The following WWOX variants were observed in gnomAD, a reference collection of about 807,000 sequenced individuals.
WWOX encodes WW domain containing oxidoreductase.
In WWOX, 69 loss-of-function variants were observed where a neutral mutation model predicts 46.2. The ratio of observed to expected loss-of-function variants is 1.49; its 90% confidence interval spans 1.23 to 1.82. The LOEUF is 1.82. Among genes scored for constraint, WWOX ranks in the 40% most tolerant of loss-of-function variants. The probability of loss-of-function intolerance (pLI) is 0.00; values close to 1 mark genes in which losing one functional copy is unlikely to be tolerated. For synonymous variants in WWOX, 359 were observed against 202.6 expected, an observed-to-expected ratio of 1.77 and a Z score of -6.56; for missense variants, 919 against 542.6, an observed-to-expected ratio of 1.69 and a Z score of -6.89.
chr16:78,201,415 C>T (rs759409921), intron 5 of WWOX, among the ~76,000 whole-genome samples: 5 of 152,134 alleles, frequency 3.3e-5, no homozygotes, highest in African/African-American at 1.2e-4. Context: ...AGACTGTATT[C>T]TAAGTCTAAA....
intron 8 of WWOX, among the ~76,000 whole-genome samples, chr16:78,939,846 G>T (rs368717578): frequency 4.6e-5 from 7 of 152,246 alleles, no homozygotes; most frequent in African/African-American, 1.7e-4. Flanking sequence ...TAGGTCTGGC[G>T]ATCTTTTTGG....
chr16:78,225,124 C>T (rs916237031), intron 5 of WWOX, among the ~76,000 whole-genome samples: 6 of 152,144 alleles, frequency 3.9e-5, no homozygotes, highest in Admixed American at 1.3e-4. Flanking sequence ...TGTATTTACA[C>T]GAGCCTAGAT....
intron 6 of WWOX, among the ~76,000 whole-genome samples, chr16:78,400,977 C>G (rs992688732): frequency 5.9e-5 from 9 of 152,182 alleles, no homozygotes; most frequent in Non-Finnish European, 1.2e-4. Flanking sequence ...CCTGCACCAT[C>G]ATGCCTGGCT....
At chr16:78,326,590 G>GC (rs1188089820) in intron 5 of WWOX, among the ~76,000 whole-genome samples, 1 of 23,654 alleles carries the variant, frequency 4.2e-5, no homozygotes, top group African/African-American at 3.9e-4. Context: ...CCCCCCCCCC[G>GC]CAATGCCTCA....
chr16:78,390,975 T>C (rs572768271), intron 6 of WWOX, among the ~76,000 whole-genome samples: 1 of 152,334 alleles, frequency 6.6e-6, no homozygotes, highest in East Asian at 1.9e-4. Context: ...TTCCTGTGTG[T>C]ATTCCCTTGG....
chr16:78,767,006 A>T (rs1043396417), intron 8 of WWOX, among the ~76,000 whole-genome samples: 3 of 152,112 alleles, frequency 2.0e-5, no homozygotes, highest in Non-Finnish European at 4.4e-5. Context: ...ATTGTTTTCA[A>T]GGTCAATCCA....
chr16:78,813,826 G>A (rs747411743), intron 8 of WWOX, among the ~76,000 whole-genome samples: 23 of 151,576 alleles, frequency 1.5e-4, no homozygotes, highest in East Asian at 1.4e-3. Context: ...CCCTTCCTTC[G>A]TCACCACCTT....
intron 8 of WWOX, among the ~76,000 whole-genome samples, chr16:78,484,589 G>A (rs956605179): frequency 3.3e-5 from 5 of 152,146 alleles, no homozygotes; most frequent in East Asian, 1.9e-4. Context: ...TGGGTTTTAC[G>A]TTACAATTTA....
rs760762887 is a variant in WWOX, at chr16:78,099,877, C to T, written c.99C>T (p.Tyr33=). 1.8e-5 allele frequency: 28 copies of T among 1,567,726 alleles called. 1 individual carries two copies. The South Asian group carries it at 2.2e-4, about 13-fold the overall frequency. The part of the protein sequence containing the change: ...EERTTKDGWV[Y]YANHTEEKTQ... ...GAACCACCAAGGACGGCTGGGTTTA[C>T]TACGCCAAGTAAGGGGGCCGCAGTG... is the stretch of plus-strand genomic sequence containing the variant. The change falls in exon 1 of 9, where the codon TAC becomes TAT. Residue 33 remains tyrosine (Y), a synonymous_variant. Coordinates refer to ENST00000566780, the MANE Select transcript of WWOX (RefSeq NM_016373.4).
Position 79,169,027 on chromosome 16 carries a change from T to C in WWOX, c.1057-42581T>C, listed in dbSNP as rs2050649273. 2.0e-5 allele frequency among the ~76,000 whole-genome samples: 3 copies of C among 152,202 alleles called. 1 individual carries two copies. The highest frequency in any genetic ancestry group is 2.0e-4 in the Admixed American group (3 of 15,288). On this transcript the variant is annotated intron_variant, in intron 8 of 8. Transcript: ENST00000566780. Reference sequence around the variant, plus strand: ...TTTCACCCCTTTAAAGTGAAAGTTATGGAGAATCTATTAGATACAAATTAA... The same window carrying C: ...TTTCACCCCTTTAAAGTGAAAGTTACGGAGAATCTATTAGATACAAATTAA...
chr16:78,469,720 G>GT (rs1216663625), intron 8 of WWOX, among the ~76,000 whole-genome samples: 10 of 152,100 alleles, frequency 6.6e-5, no homozygotes, highest in African/African-American at 2.2e-4. Context: ...CATGGGTTGT[G>GT]TTTTTTTTCC....
chr16:78,831,197 C>G (rs1466692645), intron 8 of WWOX, among the ~76,000 whole-genome samples: 1 of 151,464 alleles, frequency 6.6e-6, no homozygotes, highest in Non-Finnish European at 1.5e-5. Context: ...TGAGCACCAT[C>G]TCTGTGACTT....
intron 6 of WWOX, among the ~76,000 whole-genome samples, chr16:78,401,660 T>G (rs1258249255): frequency 1.3e-5 from 2 of 148,732 alleles, no homozygotes; most frequent in Middle Eastern, 6.9e-3. Flanking sequence ...AGCCCAGGGA[T>G]TTTTTTTTTA....
rs144587772 is a variant in WWOX, at chr16:78,226,635, G to A, written c.516+62346G>A. Among the ~76,000 whole-genome samples the A allele has an allele frequency of 1.5e-3, 233 of 151,406 alleles. 1 individual carries two copies. The highest frequency in any genetic ancestry group is 5.2e-3 in the African/African-American group (213 of 41,162). On this transcript the variant is annotated intron_variant, in intron 5 of 8. Transcript: ENST00000566780. ...TTTCTTGTATAGCTCAGGTCTCACT[G>A]CTTTGCTGCCATTCTTGTGGAGAAT...
At chr16:78,408,528 T>C (rs1488112670) in intron 6 of WWOX, among the ~76,000 whole-genome samples, 3 of 152,136 alleles carry the variant, frequency 2.0e-5, no homozygotes, top group African/African-American at 4.8e-5. Flanking sequence ...AGACAAGCAG[T>C]TGGACCTAGC....
chr16:78,586,920 C>T (rs548787704), intron 8 of WWOX, among the ~76,000 whole-genome samples: 11 of 152,172 alleles, frequency 7.2e-5, no homozygotes, highest in East Asian at 1.9e-4. Flanking sequence ...AAAATCCCTT[C>T]TCCCACTTTT....
At chr16:78,497,644 A>G (rs1341460058) in intron 8 of WWOX, among the ~76,000 whole-genome samples, 3 of 152,208 alleles carry the variant, frequency 2.0e-5, no homozygotes, top group African/African-American at 4.8e-5. Context: ...CCCTTCCAAC[A>G]TCTAGCATTA....
intron 8 of WWOX, among the ~76,000 whole-genome samples, chr16:78,639,524 GA>G (rs576155278): frequency 4.4e-4 from 67 of 152,142 alleles, no homozygotes; most frequent in African/African-American, 1.5e-3. Flanking sequence ...TGGTGGGTGG[GA>G]TGGAGAGAGA....
chr16:78,581,440 T>G (rs1244596614), intron 8 of WWOX, among the ~76,000 whole-genome samples: 1 of 152,218 alleles, frequency 6.6e-6, no homozygotes, highest in Non-Finnish European at 1.5e-5. Context: ...TTTATTTTAA[T>G]TGAGTTTTAA....
Sources: allele counts gnomAD v4.1 joint callset (sites outside exome capture counted in the v4.1 genomes callset), GRCh38; gene constraint gnomAD v4.1.1; transcripts MANE v1.5; gene names NCBI Gene and HGNC (gene_info 2026-07-23, HGNC 2026-07-21).